VAC14: variants seen among roughly 807,000 people sequenced by gnomAD.
The protein encoded by VAC14 is VAC14 component of PIKFYVE complex.
Under a neutral mutation model 85.3 loss-of-function variants are expected in VAC14, and 47 were observed. The observed-to-expected ratio is 0.55, with a 90% CI of 0.44 to 0.70. VAC14 has a LOEUF of 0.70. Among genes scored for constraint, VAC14 ranks in the 30% least tolerant of loss-of-function variants. The probability of loss-of-function intolerance (pLI) is 0.00; values close to 1 mark genes in which losing one functional copy is unlikely to be tolerated. For missense variants in VAC14, 861 were observed against 1,004.3 expected (o/e 0.86, Z 1.93); for synonymous variants, 447 against 430.5 (o/e 1.04, Z -0.47).
chr16:70,712,786 T>C (rs1407386195), intron 14 of VAC14, among the ~76,000 whole-genome samples: 5 of 152,184 alleles, frequency 3.3e-5, no homozygotes, highest in Non-Finnish European at 7.3e-5. Context: ...CAGTTTTTAT[T>C]GTATGTGGTT....
chr16:70,710,645 A>G (rs1001860660), intron 14 of VAC14, among the ~76,000 whole-genome samples: 2 of 152,210 alleles, frequency 1.3e-5, no homozygotes, highest in African/African-American at 4.8e-5. Context: ...GCTGCTGCGT[A>G]TTCCACAGTT....
chr16:70,705,646 G>T (rs2053906450), intron 14 of VAC14, among the ~76,000 whole-genome samples: 1 of 152,178 alleles, frequency 6.6e-6, no homozygotes, highest in Non-Finnish European at 1.5e-5. Context: ...GAGCGTGGAG[G>T]CTGGGGGCGC....
At chr16:70,726,592 T>C (rs930983408) in intron 14 of VAC14, among the ~76,000 whole-genome samples, 1 of 152,128 alleles carries the variant, frequency 6.6e-6, no homozygotes, top group Non-Finnish European at 1.5e-5. Context: ...TGGAAACAGG[T>C]CACACAGTTA....
At chr16:70,723,703 A>G (rs1476489311) in intron 14 of VAC14, among the ~76,000 whole-genome samples, 1 of 152,222 alleles carries the variant, frequency 6.6e-6, no homozygotes, top group Non-Finnish European at 1.5e-5. Flanking sequence ...TCACCCTACC[A>G]GCCCTGCTGG....
At chr16:70,782,988 A>AGTG in intron 7 of VAC14, 45 bp downstream of exon 7, 2 of 1,550,808 alleles carry the variant, frequency 1.3e-6, no homozygotes, top group Middle Eastern at 1.7e-4. Context: ...TGGCAGTGGC[A>AGTG]GCAGCAGTGG....
chr16:70,761,270 C>A, intron 12 of VAC14: 1 of 415,198 alleles, frequency 2.4e-6, no homozygotes, highest in Non-Finnish European at 4.8e-6. Flanking sequence ...TGAGCAATAG[C>A]CCTCTCCCAT....
chr16:70,781,076 ATGGCTTGG>A, intron 8 of VAC14, 137 bp from the exon 9 acceptor site: 1 of 1,229,854 alleles, frequency 8.1e-7, no homozygotes. Context: ...TCCCTCACAA[ATGGCTTGG>A]TGCCCTCCCC....
At chr16:70,788,987 T>G (rs747640456) in intron 1 of VAC14, among the ~76,000 whole-genome samples, 2 of 152,226 alleles carry the variant, frequency 1.3e-5, no homozygotes, top group Non-Finnish European at 2.9e-5. Context: ...TGCCTTCACC[T>G]TAAGGGGACT....
chr16:70,785,330 T>A (rs1341743979), intron 3 of VAC14, among the ~76,000 whole-genome samples: 1 of 152,204 alleles, frequency 6.6e-6, no homozygotes, highest in African/African-American at 2.4e-5. Context: ...ATGAGCTTTT[T>A]CTAGGGCACT....
chr16:70,691,963 T>A (rs1227457627), intron 18 of VAC14: 1 of 984,956 alleles, frequency 1.0e-6, no homozygotes, highest in Non-Finnish European at 1.2e-6. Flanking sequence ...GGGAGGGAAT[T>A]CTAGACACAC....
rs538021268 is a variant in VAC14 at position 70,759,554 on chromosome 16, G to A, written c.1371+2986C>T. 4.9e-3 allele frequency among the ~76,000 whole-genome samples: 741 copies of A among 152,316 alleles called. 6 individuals carry two copies. Among genetic ancestry groups the A allele is most frequent in the African/African-American group, 0.017 (712 of 41,558 alleles). ...GAGGCAGGAGGACTGCTTGAACCCC[G>A]GAGGTGGAGGTTGCAGTGAGCCGAC... On this transcript the variant is annotated intron_variant, in intron 12 of 18. Coordinates refer to ENST00000261776, the MANE Select transcript of VAC14 (RefSeq NM_018052.5).
chr16:70,739,620 T>C (rs968646445), intron 13 of VAC14, among the ~76,000 whole-genome samples: 3 of 152,144 alleles, frequency 2.0e-5, no homozygotes, highest in Non-Finnish European at 4.4e-5. Flanking sequence ...GACACAGTGC[T>C]GGCCTCTCAG....
chr16:70,749,508 A>G (rs2031200499), intron 12 of VAC14, among the ~76,000 whole-genome samples: 1 of 152,248 alleles, frequency 6.6e-6, no homozygotes. Flanking sequence ...TCTGGTCCCC[A>G]GAGGCTGGCA....
At chr16:70,688,632 G>T (rs906832145) in intron 18 of VAC14, 56 of 985,490 alleles carry the variant, frequency 5.7e-5, no homozygotes, top group Non-Finnish European at 6.5e-5. Flanking sequence ...CTGGGAGGAG[G>T]AATGCCGGTC....
chr16:70,717,201 A>G (rs758953947), intron 14 of VAC14, among the ~76,000 whole-genome samples: 1 of 152,210 alleles, frequency 6.6e-6, no homozygotes, highest in Non-Finnish European at 1.5e-5. Flanking sequence ...CTCTGGCCAC[A>G]CTGATGGGTC....
intron 18 of VAC14, chr16:70,688,813 C>A (rs1245325535): frequency 1.0e-6 from 1 of 985,514 alleles, no homozygotes; most frequent in African/African-American, 1.7e-5. Context: ...TTAGCTTGCC[C>A]CTGGCGATGA....
chr16:70,700,855 G>A (rs1487557790), intron 14 of VAC14, among the ~76,000 whole-genome samples: 1 of 152,210 alleles, frequency 6.6e-6, no homozygotes, highest in African/African-American at 2.4e-5. Flanking sequence ...CCATGACAGA[G>A]GCCAACAGCT....
At chr16:70,760,960 A>AGGG (rs1309116441) in intron 12 of VAC14, among the ~76,000 whole-genome samples, 2 of 56,470 alleles carry the variant, frequency 3.5e-5, no homozygotes, top group Non-Finnish European at 3.2e-5. Flanking sequence ...GCACGAAGAG[A>AGGG]GGGTGTGTGT....
intron 14 of VAC14, among the ~76,000 whole-genome samples, chr16:70,719,804 G>A (rs191847932): frequency 3.2e-4 from 48 of 152,294 alleles, no homozygotes; most frequent in African/African-American, 1.0e-3. Flanking sequence ...ACTTTGGACA[G>A]TACCTCCCTA....
Sources: allele counts gnomAD v4.1 joint callset (sites outside exome capture counted in the v4.1 genomes callset), GRCh38; gene constraint gnomAD v4.1.1; transcripts MANE v1.5; gene names NCBI Gene and HGNC (gene_info 2026-07-23, HGNC 2026-07-21).